The following DGKH variants were observed in gnomAD, a reference collection of about 807,000 sequenced individuals.
DGKH encodes the protein diacylglycerol kinase eta.
DGKH carries 90 observed loss-of-function variants against 159.3 expected under a neutral mutation model. The observed-to-expected ratio is 0.57, with a 90% CI of 0.48 to 0.67. The LOEUF is 0.67. Among genes scored for constraint, DGKH ranks in the 30% least tolerant of loss-of-function variants. The pLI, the probability that DGKH is intolerant of heterozygous loss-of-function variation, is 0.00. For missense variants in DGKH, 1,181 were observed against 1,506.1 expected (o/e 0.78, Z 3.57); for synonymous variants, 536 against 553.8 (o/e 0.97, Z 0.45).
intron 3 of DGKH, among the ~76,000 whole-genome samples, chr13:42,146,150 CTT>C (rs57139526): frequency 0.12 from 13,205 of 110,044 alleles, 313 homozygotes; most frequent in Admixed American, 0.19. Context: ...TCTGGGGAGG[CTT>C]TTTTTTTTTT....
chr13:42,245,743 A>C (rs61339194), downstream of DGKH, among the ~76,000 whole-genome samples: 2,548 of 151,876 alleles, frequency 0.017, 75 homozygotes, highest in African/African-American at 0.056. Flanking sequence ...GCGCCAACAC[A>C]CCTGGCTAAT....
chr13:42,207,025 T>TTCTTTCTTTC (rs376338046), intron 21 of DGKH, among the ~76,000 whole-genome samples: 2 of 44,960 alleles, frequency 4.4e-5, no homozygotes, highest in Non-Finnish European at 9.6e-5. Context: ...CTTTCTTTCT[T>TTCTTTCTTTC]TTTCTTTCTT....
chr13:42,091,943 A>G (rs575434591), intron 1 of DGKH, among the ~76,000 whole-genome samples: 1 of 152,252 alleles, frequency 6.6e-6, no homozygotes, highest in South Asian at 2.1e-4. Flanking sequence ...GGATTGTTGG[A>G]TCATATGGTA....
intron 1 of DGKH, among the ~76,000 whole-genome samples, chr13:42,082,273 A>T (rs1954216017): frequency 1.3e-5 from 2 of 152,070 alleles, no homozygotes; most frequent in Non-Finnish European, 2.9e-5. Flanking sequence ...TTGAGTTATT[A>T]AAGAAGGGAA....
chr13:42,199,561 C>G lies in DGKH; in HGVS notation c.2286-5C>G, dbSNP rs750954646. ...ACTTTGATGTACTTTTCCCTGTGAT[C>G]ATAGAGATGGATATTCAGAAAAATG... On this transcript the variant is annotated splice_region_variant and splice_polypyrimidine_tract_variant and intron_variant, in intron 18 of 29. Transcript: ENST00000337343. The G allele has an allele frequency of 6.4e-7, 1 of 1,560,382 alleles. No homozygotes were observed. The highest frequency in any genetic ancestry group is 2.0e-5 in the Admixed American group (1 of 50,752).
At chr13:42,128,466 T>A (rs1374753188) in intron 2 of DGKH, among the ~76,000 whole-genome samples, 1 of 152,210 alleles carries the variant, frequency 6.6e-6, no homozygotes, top group Admixed American at 6.5e-5. Flanking sequence ...TTGTCCCTGA[T>A]CTGTCTCCAT....
chr13:42,181,169 C>T (rs1226069049), intron 13 of DGKH, among the ~76,000 whole-genome samples: 1 of 145,640 alleles, frequency 6.9e-6, no homozygotes, highest in African/African-American at 2.5e-5. Flanking sequence ...CCTAGCTACT[C>T]GGGAGGCTGA....
chr13:42,156,022 C>G (rs1166780574), intron 5 of DGKH, among the ~76,000 whole-genome samples: 1 of 151,566 alleles, frequency 6.6e-6, no homozygotes, highest in Non-Finnish European at 1.5e-5. Context: ...AAAAAAAAAT[C>G]TTTGGACTTT....
intron 30 of DGKH, among the ~76,000 whole-genome samples, chr13:42,254,881 T>C (rs1206386754): frequency 6.6e-6 from 1 of 152,164 alleles, no homozygotes; most frequent in Non-Finnish European, 1.5e-5. Flanking sequence ...GCCATCTTTA[T>C]GCATTTCTTT....
chr13:42,075,958 G>C (rs4142112), intron 1 of DGKH, among the ~76,000 whole-genome samples: 94,719 of 152,000 alleles, frequency 0.62, 29,804 homozygotes, highest in Non-Finnish European at 0.68. Flanking sequence ...TAAGCTTTAA[G>C]TATCATACAA....
chr13:42,142,553 G>C (rs1243180014), intron 3 of DGKH, among the ~76,000 whole-genome samples: 1 of 151,690 alleles, frequency 6.6e-6, no homozygotes, highest in African/African-American at 2.4e-5. Context: ...CCATTTGTTT[G>C]TATCCTCTTT....
rs141091371 is a variant in DGKH at position 42,149,044 on chromosome 13, A to C, written c.385-6247A>C. ...ACTGTAGCCTCAATCTCCTGGGCTC[A>C]GGTGATCCTCCTGCTCCGGCTTTCC... On this transcript the variant is annotated intron_variant, in intron 3 of 29. Transcript: ENST00000337343. Among the ~76,000 whole-genome samples the C allele has an allele frequency of 2.9e-4, 43 of 147,358 alleles. No individual in the cohort carries two copies. In the East Asian group the frequency reaches 8.7e-3, roughly 30 times the overall value.
At chr13:42,047,886 C>T (rs1197873233), upstream of DGKH, among the ~76,000 whole-genome samples, 2 of 152,062 alleles carry the variant, frequency 1.3e-5, no homozygotes, top group Non-Finnish European at 2.9e-5. Flanking sequence ...TGCGTGTAGT[C>T]TCTTGTTTCT....
In DGKH at chr13:42,241,915, T is replaced by G. The variant is rs1958520832; in HGVS notation, c.*12727T>G. On this transcript the variant is annotated 3_prime_UTR_variant, in exon 30 of 30. Transcript: ENST00000337343. Reference sequence around the variant, plus strand: ...GGTTCCTTCATGAGAAGGAAAAAACTGTATCTTTATTGTCAGTAAGTGTGG... The same window carrying G: ...GGTTCCTTCATGAGAAGGAAAAAACGGTATCTTTATTGTCAGTAAGTGTGG... 1 of 152,222 alleles carries G rather than the reference T, an allele frequency of 6.6e-6. No homozygotes were observed. Among genetic ancestry groups the G allele is most frequent in the Admixed American group, 6.5e-5 (1 of 15,288 alleles). The allele number at this position is 152,222 out of a possible 1,614,324, so 9.4% of individuals were successfully genotyped here. A position where few individuals can be genotyped will look rare whatever the true frequency, so the allele number is the denominator to read the frequency against.
intron 1 of DGKH, among the ~76,000 whole-genome samples, chr13:42,115,382 G>A (rs993512947): frequency 6.6e-6 from 1 of 152,110 alleles, no homozygotes; most frequent in Non-Finnish European, 1.5e-5. Context: ...TACAGTTTTT[G>A]TCACTGAGAA....
At chr13:42,189,600 T>C (rs187783943) in intron 15 of DGKH, among the ~76,000 whole-genome samples, 5 of 152,322 alleles carry the variant, frequency 3.3e-5, no homozygotes, top group Admixed American at 2.6e-4. Context: ...ATTTTAGATA[T>C]AGTTTACTTA....
intron 13 of DGKH, among the ~76,000 whole-genome samples, chr13:42,182,426 C>T (rs573611999): frequency 6.6e-6 from 1 of 151,694 alleles, no homozygotes; most frequent in East Asian, 1.9e-4. Context: ...GGGGGATTGG[C>T]TCCAGGACCC....
intron 1 of DGKH, chr13:42,070,253 G>A (rs1882869136): frequency 4.3e-6 from 5 of 1,166,306 alleles, no homozygotes; most frequent in Non-Finnish European, 6.5e-6. Context: ...GGAAGTAGCT[G>A]AGTTAAAGGT....
At chr13:42,149,806 G>A (rs1240640729) in intron 3 of DGKH, among the ~76,000 whole-genome samples, 6 of 152,300 alleles carry the variant, frequency 3.9e-5, no homozygotes, top group Admixed American at 6.5e-5. Flanking sequence ...ATAGCATGTC[G>A]TGATGGAGAA....
Sources: gnomAD v4.1 joint callset for allele counts (sites outside exome capture counted in the v4.1 genomes callset) on GRCh38, gnomAD v4.1.1 for gene constraint, MANE v1.5 for transcripts, NCBI Gene and HGNC (gene_info 2026-07-23, HGNC 2026-07-21) for gene names.